The following CGNL1 variants were observed in gnomAD, a reference collection of about 807,000 sequenced individuals.
CGNL1 encodes cingulin like 1, also known as cingulin-like protein 1.
Under a neutral mutation model 141.2 loss-of-function variants are expected in CGNL1, and 132 were observed. The observed-to-expected ratio is 0.93, with a 90% CI of 0.81 to 1.08. The LOEUF (loss-of-function observed/expected upper bound fraction) is 1.08. Among genes scored for constraint, CGNL1 ranks in the 50% least tolerant of loss-of-function variants. The pLI, the probability that CGNL1 is intolerant of heterozygous loss-of-function variation, is 0.00. For synonymous variants in CGNL1, 690 were observed against 622.1 expected (o/e 1.11, Z -1.63); for missense variants, 1,870 against 1,588.6 (o/e 1.18, Z -3.01).
At chr15:57,482,045 A>G (rs1279363397) in intron 8 of CGNL1, among the ~76,000 whole-genome samples, 2 of 152,054 alleles carry the variant, frequency 1.3e-5, no homozygotes, top group African/African-American at 4.8e-5. Context: ...CTCTTTTGCC[A>G]CGTATATCCT....
chr15:57,432,512 A>T (rs879821209), intron 1 of CGNL1, among the ~76,000 whole-genome samples: 1 of 151,992 alleles, frequency 6.6e-6, no homozygotes, highest in Non-Finnish European at 1.5e-5. Context: ...TATTATTTCC[A>T]CTCCAAAACA....
chr15:57,529,432 A>C (rs1167745602), intron 13 of CGNL1, among the ~76,000 whole-genome samples: 1 of 152,200 alleles, frequency 6.6e-6, no homozygotes, highest in Admixed American at 6.5e-5. Flanking sequence ...ACATATTAGA[A>C]AAATGTAAAT....
intron 1 of CGNL1, among the ~76,000 whole-genome samples, chr15:57,426,790 T>C (rs1166661025): frequency 6.6e-6 from 1 of 152,026 alleles, no homozygotes; most frequent in African/African-American, 2.4e-5. Context: ...AAAGGAGACA[T>C]GAATGGTCCT....
chr15:57,503,676 C>T (rs1252853646), intron 8 of CGNL1, among the ~76,000 whole-genome samples: 3 of 152,138 alleles, frequency 2.0e-5, no homozygotes, highest in Non-Finnish European at 4.4e-5. Context: ...TTTAGTTGGA[C>T]TTAGAGTTCC....
At chr15:57,448,662 A>C (rs1335707336) in intron 4 of CGNL1, among the ~76,000 whole-genome samples, 1 of 152,088 alleles carries the variant, frequency 6.6e-6, no homozygotes, top group Non-Finnish European at 1.5e-5. Flanking sequence ...GAAAAAAAAA[A>C]CAAAAACCCT....
chr15:57,545,650 G>A lies in CGNL1; in HGVS notation c.3559G>A (p.Val1187Met). Residue 1187 changes from valine (V) to methionine (M), a missense_variant, in exon 17 of 19, where the codon GTG (valine) becomes ATG (methionine). Coordinates refer to ENST00000281282, the MANE Select transcript of CGNL1 (RefSeq NM_032866.5). ...RRLERKVKEL[V>M]MQVDDEHLSL... ...GCTGGAGCGGAAAGTGAAGGAGCTG[G>A]TGATGCAGGTGGATGATGAGCACCT... is the stretch of plus-strand genomic sequence containing the variant. 3 of 1,613,834 alleles carry A rather than the reference G, an allele frequency of 1.9e-6. No individual in the cohort carries two copies. Among genetic ancestry groups the A allele is most frequent in the African/African-American group, 1.3e-5 (1 of 75,050 alleles).
chr15:57,457,640 C>T (rs560559970), intron 7 of CGNL1, among the ~76,000 whole-genome samples: 5 of 152,290 alleles, frequency 3.3e-5, no homozygotes, highest in South Asian at 2.1e-4. Context: ...GTGAAAGGCA[C>T]CTCTCACATG....
rs1375500155 is a variant in CGNL1, at chr15:57,423,630, G to A, written c.-15-14355G>A. Among the ~76,000 whole-genome samples the A allele has an allele frequency of 2.6e-5, 4 of 152,168 alleles. No homozygotes were observed. The South Asian group carries it at 6.2e-4, about 24-fold the overall frequency. On this transcript the variant is annotated intron_variant, in intron 1 of 18. Coordinates refer to ENST00000281282, the MANE Select transcript of CGNL1 (RefSeq NM_032866.5). ...TCCAGTCTTTGCCTGCTTAATGGTA[G>A]CCTTTGGCTTACCTGACCCCTCCTT...
At chr15:57,535,496 A>T (rs1234689578) in intron 14 of CGNL1, among the ~76,000 whole-genome samples, 2 of 152,214 alleles carry the variant, frequency 1.3e-5, no homozygotes, top group Non-Finnish European at 2.9e-5. Context: ...GTAAGACGTG[A>T]ATAAACCAAG....
intron 8 of CGNL1, among the ~76,000 whole-genome samples, chr15:57,480,900 C>G (rs148950137): frequency 6.6e-6 from 1 of 152,194 alleles, no homozygotes. Context: ...CTCTTGAAAC[C>G]AACTTTGTTT....
chr15:57,428,967 G>A (rs1191035568), intron 1 of CGNL1, among the ~76,000 whole-genome samples: 2 of 151,926 alleles, frequency 1.3e-5, no homozygotes, highest in African/African-American at 4.8e-5. Flanking sequence ...AGGTTGCAGT[G>A]AGCCGAGATT....
intron 8 of CGNL1, among the ~76,000 whole-genome samples, chr15:57,497,137 C>A (rs1827369794): frequency 6.6e-6 from 1 of 152,140 alleles, no homozygotes; most frequent in South Asian, 2.1e-4. Context: ...CTGGTGCAGG[C>A]CCAGGGATCT....
Position 57,543,773 on chromosome 15 carries a change from G to C in CGNL1, c.3369G>C (p.Glu1123Asp). 2 of 1,613,640 alleles carry C rather than the reference G, an allele frequency of 1.2e-6. No homozygotes were observed. Among genetic ancestry groups the C allele is most frequent in the Non-Finnish European group, 1.7e-6 (2 of 1,179,616 alleles). The change falls in exon 15 of 19, where the codon GAG (glutamate) becomes GAC (aspartate). Residue 1123 changes from glutamate (E) to aspartate (D), a missense_variant. Coordinates refer to ENST00000281282, the MANE Select transcript of CGNL1 (RefSeq NM_032866.5). Reference sequence around the variant, plus strand: ...TGGAGTGCGACAAGATTTCCCTGGAGAGGCAGGTGAGGGCAGCCAGCCTGT... The same window carrying C: ...TGGAGTGCGACAAGATTTCCCTGGACAGGCAGGTGAGGGCAGCCAGCCTGT... Reference protein sequence around the residue: ...QDLECDKISLERQNKDLKSRI... With the variant: ...QDLECDKISLDRQNKDLKSRI...
At position 57,516,691 on chromosome 15, in the gene CGNL1, G is replaced by A. The variant is rs185681576; in HGVS notation, c.2404-89G>A. On this transcript the variant is annotated intron_variant, in intron 8 of 18. Coordinates refer to ENST00000281282, the MANE Select transcript of CGNL1 (RefSeq NM_032866.5). ...AGGGCCTGGCTAAGTGGGCACAATG[G>A]GTTTTTCATAAATGCCAGCCATTCT... 2.6e-4 allele frequency: 358 copies of A among 1,383,956 alleles called. No individual in the cohort carries two copies. In the African/African-American group the frequency reaches 4.5e-3, roughly 17 times the overall value. The allele number at this position is 1,383,956 out of a possible 1,614,324, so 85.7% of individuals were successfully genotyped here.
rs563977194 is a variant in CGNL1 at position 57,523,474 on chromosome 15, C to A, written c.2716-15C>A. On this transcript the variant is annotated splice_polypyrimidine_tract_variant and intron_variant, in intron 10 of 18. Coordinates refer to ENST00000281282, the MANE Select transcript of CGNL1 (RefSeq NM_032866.5). The stretch of plus-strand genomic sequence containing the variant: ...TTAGTAGGTGACAGCACTGTCCTTT[C>A]CCTGCCATTTGCAGGGAAATCTGAG... The A allele has an allele frequency of 6.2e-7, 1 of 1,613,876 alleles. No individual in the cohort carries two copies. Among genetic ancestry groups the A allele is most frequent in the Non-Finnish European group, 8.5e-7 (1 of 1,179,940 alleles).
intron 8 of CGNL1, among the ~76,000 whole-genome samples, chr15:57,491,831 A>T (rs957508389): frequency 2.6e-5 from 4 of 152,174 alleles, no homozygotes; most frequent in Admixed American, 6.5e-5. Flanking sequence ...CCCAAGAAAG[A>T]TGCAAATAGT....
chr15:57,401,407 C>T (rs1175203189), intron 1 of CGNL1, among the ~76,000 whole-genome samples: 6 of 152,250 alleles, frequency 3.9e-5, no homozygotes, highest in East Asian at 1.9e-4. Context: ...CCAAACCGTC[C>T]GTCAGAATTT....
At chr15:57,501,978 T>C (rs2064031479) in intron 8 of CGNL1, among the ~76,000 whole-genome samples, 1 of 152,196 alleles carries the variant, frequency 6.6e-6, no homozygotes, top group Non-Finnish European at 1.5e-5. Context: ...ATCTCTAGCC[T>C]CTGTGTGGGG....
rs188989297 is a variant in CGNL1 at position 57,461,904 on chromosome 15, G to C, written c.2403+12G>C. 1 of 1,608,640 alleles carries C rather than the reference G, an allele frequency of 6.2e-7. No homozygotes were observed. Among genetic ancestry groups the C allele is most frequent in the East Asian group, 2.2e-5 (1 of 44,830 alleles). Reference sequence around the variant, plus strand: ...AAGAAGCAACCAAGGTGAGGGATGGGGCAGGAGAATCTGGCTTGTGAACAG... The same window carrying C: ...AAGAAGCAACCAAGGTGAGGGATGGCGCAGGAGAATCTGGCTTGTGAACAG... On this transcript the variant is annotated intron_variant, in intron 8 of 18. Coordinates refer to ENST00000281282, the MANE Select transcript of CGNL1 (RefSeq NM_032866.5).
Sources: gnomAD v4.1 joint callset for allele counts (sites outside exome capture counted in the v4.1 genomes callset) on GRCh38, gnomAD v4.1.1 for gene constraint, MANE v1.5 for transcripts, NCBI Gene and HGNC (gene_info 2026-07-23, HGNC 2026-07-21) for gene names.